B3GAT1: variants seen among roughly 807,000 people sequenced by gnomAD.
B3GAT1 encodes beta-1,3-glucuronyltransferase 1.
Under a neutral mutation model 28.4 loss-of-function variants are expected in B3GAT1, and 11 were observed. The ratio of observed to expected loss-of-function variants is 0.39; its 90% CI spans 0.24 to 0.64. The LOEUF (loss-of-function observed/expected upper bound fraction) is 0.64, where lower values mean the gene tolerates loss of function less well. Among genes scored for constraint, B3GAT1 ranks in the 30% least tolerant of loss-of-function variants. The pLI, the probability that B3GAT1 is intolerant of heterozygous loss-of-function variation, is 0.50. For missense variants in B3GAT1, 375 were observed against 491.0 expected (o/e 0.76, Z 2.23); for synonymous variants, 255 against 223.1 (o/e 1.14, Z -1.27).
intron 1 of B3GAT1, among the ~76,000 whole-genome samples, chr11:134,394,447 C>A (rs1565455223): frequency 1.3e-5 from 2 of 152,236 alleles, no homozygotes; most frequent in African/African-American, 4.8e-5. Context: ...CACACCACGT[C>A]CCCCTGCAGA....
chr11:134,384,322 G>T, intron 2 of B3GAT1, 134 bp from the exon 3 acceptor site: 1 of 1,199,406 alleles, frequency 8.3e-7, no homozygotes, highest in Non-Finnish European at 1.1e-6. Flanking sequence ...CCCCCGCCTT[G>T]CCTGACCTGT....
chr11:134,383,108 C>T, intron 3 of B3GAT1, 102 bp from the exon 4 acceptor site: 1 of 1,327,416 alleles, frequency 7.5e-7, no homozygotes, highest in Non-Finnish European at 1.0e-6. Flanking sequence ...TATCTATGCC[C>T]ATGGCCAGCC....
At chr11:134,400,058 G>T (rs928480812) in intron 1 of B3GAT1, among the ~76,000 whole-genome samples, 3 of 152,114 alleles carry the variant, frequency 2.0e-5, no homozygotes, top group African/African-American at 7.2e-5. Flanking sequence ...GTTTCCCTTG[G>T]CGCTGTTGTC....
At chr11:134,385,607 G>A (rs1429102120) in intron 2 of B3GAT1, 1 of 151,606 alleles carries the variant, frequency 6.6e-6, no homozygotes, top group Non-Finnish European at 1.5e-5. Flanking sequence ...TTCATCCTAT[G>A]GGCAGTCAAG....
intron 3 of B3GAT1, 151 bp from the exon 4 acceptor site, chr11:134,383,157 A>G (rs1452723873): frequency 5.6e-6 from 5 of 886,698 alleles, no homozygotes; most frequent in Non-Finnish European, 6.7e-6. Context: ...CCCTGCCCCC[A>G]GGACCCATCC....
chr11:134,398,581 T>C (rs1240074833), intron 1 of B3GAT1, among the ~76,000 whole-genome samples: 3 of 152,196 alleles, frequency 2.0e-5, no homozygotes, highest in Admixed American at 2.0e-4. Context: ...AACTGAGGCA[T>C]GAGGGGGTTG....
chr11:134,410,157 G>A (rs182867659), intron 1 of B3GAT1, among the ~76,000 whole-genome samples: 12 of 152,316 alleles, frequency 7.9e-5, no homozygotes, highest in Admixed American at 3.9e-4. Context: ...TCTCCGCCAC[G>A]GGCTCCAATC....
At chr11:134,387,364 CTG>C (rs1049686323) in intron 2 of B3GAT1, among the ~76,000 whole-genome samples, 182 bp downstream of exon 2, 2 of 152,172 alleles carry the variant, frequency 1.3e-5, no homozygotes, top group African/African-American at 2.4e-5. Flanking sequence ...CATCTTAAAA[CTG>C]TGTGGGTAGC....
intron 2 of B3GAT1, chr11:134,387,134 T>TCGGTGG: frequency 1.6e-5 from 3 of 188,600 alleles, no homozygotes; most frequent in South Asian, 1.2e-4. Flanking sequence ...CCGACAGTGC[T>TCGGTGG]TCGCCCTTCC....
intron 2 of B3GAT1, chr11:134,386,907 G>A (rs1423569077): frequency 6.6e-6 from 1 of 152,490 alleles, no homozygotes; most frequent in Admixed American, 6.5e-5. Flanking sequence ...CTAATTCCTA[G>A]TGACAGTACA....
intron 2 of B3GAT1, chr11:134,384,441 T>C (rs1352631401): frequency 2.0e-5 from 10 of 496,202 alleles, no homozygotes; most frequent in Admixed American, 1.1e-4. Flanking sequence ...CTCTAGCTAT[T>C]TGAGCGCAGT....
chr11:134,405,424 C>T, intron 1 of B3GAT1, among the ~76,000 whole-genome samples: 1 of 152,218 alleles, frequency 6.6e-6, no homozygotes. Context: ...CGTAGACACA[C>T]TCTGGCAGGC....
chr11:134,381,452 G>A (rs1447857866), intron 5 of B3GAT1, among the ~76,000 whole-genome samples: 2 of 152,330 alleles, frequency 1.3e-5, no homozygotes, highest in African/African-American at 2.4e-5. Context: ...GAGCTGAGGT[G>A]GGCTCTGGGT....
At chr11:134,382,124 C>T in intron 4 of B3GAT1, 100 bp from the exon 5 acceptor site, 1 of 901,742 alleles carries the variant, frequency 1.1e-6, no homozygotes, top group Non-Finnish European at 1.8e-6. Context: ...TCTCCTGCCC[C>T]TCCTTTTCCT....
At chr11:134,408,909 GGTGGGATA>G in intron 1 of B3GAT1, among the ~76,000 whole-genome samples, 1 of 123,530 alleles carries the variant, frequency 8.1e-6, no homozygotes, top group Admixed American at 7.5e-5. Context: ...TGAGGAGGGA[GGTGGGATA>G]GCCTCCACCT....
intron 1 of B3GAT1, among the ~76,000 whole-genome samples, chr11:134,407,699 G>C (rs969928584): frequency 1.3e-5 from 2 of 151,838 alleles, no homozygotes; most frequent in Non-Finnish European, 2.9e-5. Context: ...ATTGGCTGGA[G>C]CTAAACCTCA....
Position 134,384,151 on chromosome 11 carries a change from G to A in B3GAT1, c.150C>T (p.Gly50=), listed in dbSNP as rs139621727. ...GSDPRRETPP[G]ADPREYCTSD... is the part of the protein sequence containing the mutation. ...ACGTGCAGTACTCCCTGGGGTCGGC[G>A]CCGGGCGGCGTTTCGCGTCGGGGGT... Residue 50 remains glycine, a synonymous_variant, in exon 3 of 6, where the codon GGC becomes GGT. Transcript: ENST00000312527. The A allele has an allele frequency of 2.6e-6, 4 of 1,560,646 alleles. No homozygotes were observed. The Middle Eastern group carries it at 5.2e-4, about 203-fold the overall frequency.
At position 134,378,740 on chromosome 11, in the gene B3GAT1, C is replaced by T. The variant is rs1391375985; in HGVS notation, c.*2022G>A. ...GGACCCATTTCTGATTTATAACAAA[C>T]TCATTCCCAATAAAGATGAAGGCTG... On this transcript the variant is annotated 3_prime_UTR_variant, in exon 6 of 6. Coordinates refer to ENST00000312527, the MANE Select transcript of B3GAT1 (RefSeq NM_054025.3). The T allele has an allele frequency of 6.6e-6, 1 of 152,210 alleles. No individual in the cohort carries two copies. The highest frequency in any genetic ancestry group is 1.5e-5 in the Non-Finnish European group (1 of 68,034). 9.4% of individuals were successfully genotyped at this position (152,210 alleles called of 1,614,324 possible).
intron 2 of B3GAT1, chr11:134,386,423 A>AAG (rs34277492): frequency 0.84 from 128,496 of 152,106 alleles, 54,760 homozygotes; most frequent in East Asian, 0.97. Context: ...GGGGGCAGAA[A>AAG]AGCACGAGAC....
Sources: gnomAD v4.1 joint callset for allele counts (sites outside exome capture counted in the v4.1 genomes callset) on GRCh38, gnomAD v4.1.1 for gene constraint, MANE v1.5 for transcripts, NCBI Gene and HGNC (gene_info 2026-07-23, HGNC 2026-07-21) for gene names.